Variants in MEGF11 observed in about 807,000 individuals in gnomAD.
The protein encoded by MEGF11 is multiple epidermal growth factor-like domains protein 11.
In MEGF11, 126 loss-of-function variants were observed where a neutral mutation model predicts 146.6. The observed-to-expected ratio is 0.86, with a 90% confidence interval of 0.74 to 1.00. The LOEUF is 1.00. Ranked by LOEUF, MEGF11 falls within the 50% of genes least tolerant of loss-of-function variation. The pLI, the probability that MEGF11 is intolerant of heterozygous loss-of-function variation, is 0.00. For missense variants in MEGF11, 1,509 were observed against 1,521.2 expected, an observed-to-expected ratio of 0.99 and a Z score of 0.13; for synonymous variants, 532 against 583.4, an observed-to-expected ratio of 0.91 and a Z score of 1.27.
rs536867581 is a variant in MEGF11 at position 65,922,936 on chromosome 15, C to T, written c.1709G>A (p.Arg570His). 93 of 1,612,984 alleles carry T rather than the reference C, an allele frequency of 5.8e-5. No individual in the cohort carries two copies. In the East Asian group the frequency reaches 1.1e-3, roughly 19 times the overall value. Reference protein sequence around the residue: ...IRCDSTCPPGRWGPNCSVSCS... With the variant: ...IRCDSTCPPGHWGPNCSVSCS... ...GGAGACAGAGCAGTTGGGGCCCCAG[C>T]GGCCAGGTGGACACGTGCTGTCACA... The change falls in exon 14 of 26, where the codon CGC becomes CAC. Residue 570 changes from arginine (R) to histidine (H), a missense_variant. Physicochemically the swap from Arg to His is conservative, Grantham distance 29 (BLOSUM62 0). Coordinates refer to ENST00000395614, the MANE Select transcript of MEGF11 (RefSeq NM_001385028.1).
At position 65,916,974 on chromosome 15, in the gene MEGF11, T is replaced by A; in HGVS notation, c.2087-18A>T. The A allele has an allele frequency of 6.7e-7, 1 of 1,487,578 alleles. No homozygotes were observed. The highest frequency in any genetic ancestry group is 9.0e-7 in the Non-Finnish European group (1 of 1,112,634). The allele number at this position is 1,487,578 out of a possible 1,614,324, so 92.1% of individuals were successfully genotyped here. Reference sequence around the variant, plus strand: ...TGGGCAAGCTGGGATGTCGGTGAAATGCAGAGGGTGAGGGGAAGGCAGAGA... The same window carrying A: ...TGGGCAAGCTGGGATGTCGGTGAAAAGCAGAGGGTGAGGGGAAGGCAGAGA... On this transcript the variant is annotated intron_variant, in intron 16 of 25. Transcript: ENST00000395614.
At chr15:66,138,048 G>T (rs1488369769) in intron 1 of MEGF11, among the ~76,000 whole-genome samples, 1 of 152,026 alleles carries the variant, frequency 6.6e-6, no homozygotes, top group African/African-American at 2.4e-5. Context: ...GCGTGAGATG[G>T]CAAGATCCCA....
intron 1 of MEGF11, among the ~76,000 whole-genome samples, chr15:66,138,061 T>C (rs551223610): frequency 3.9e-4 from 60 of 152,198 alleles, no homozygotes; most frequent in African/African-American, 1.3e-3. Flanking sequence ...AGATCCCATC[T>C]TAAAAAATTT....
intron 1 of MEGF11, among the ~76,000 whole-genome samples, chr15:66,233,052 A>T (rs2092001779): frequency 6.6e-6 from 1 of 152,128 alleles, no homozygotes. Context: ...GACCCTAGAG[A>T]GATAACACCG....
intron 1 of MEGF11, among the ~76,000 whole-genome samples, chr15:66,204,487 A>C (rs2091250431): frequency 6.6e-6 from 1 of 152,226 alleles, no homozygotes. Flanking sequence ...ACCAGTAGCA[A>C]ACCTAGATTT....
chr15:66,160,806 G>T (rs1378992402), intron 1 of MEGF11, among the ~76,000 whole-genome samples: 3 of 152,094 alleles, frequency 2.0e-5, no homozygotes, highest in Non-Finnish European at 2.9e-5. Flanking sequence ...CTGTTATGTG[G>T]TGATAAGTGC....
chr15:66,186,031 G>C (rs1187032559), intron 1 of MEGF11, among the ~76,000 whole-genome samples: 1 of 152,136 alleles, frequency 6.6e-6, no homozygotes, highest in Non-Finnish European at 1.5e-5. Context: ...GGGGAGAGGT[G>C]GGGGCAGCCC....
At chr15:65,998,248 C>G (rs1360904571) in intron 5 of MEGF11, among the ~76,000 whole-genome samples, 1 of 152,182 alleles carries the variant, frequency 6.6e-6, no homozygotes, top group Non-Finnish European at 1.5e-5. Context: ...ATCATCATCC[C>G]TGGTAGGCCA....
chr15:66,096,636 C>T (rs2140706767), intron 4 of MEGF11, among the ~76,000 whole-genome samples: 1 of 152,302 alleles, frequency 6.6e-6, no homozygotes, highest in Non-Finnish European at 1.5e-5. Context: ...ACAAGAAGGT[C>T]AGTGGTGACC....
At chr15:66,251,750 T>C (rs1200842896) in intron 1 of MEGF11, among the ~76,000 whole-genome samples, 2 of 152,238 alleles carry the variant, frequency 1.3e-5, no homozygotes, top group African/African-American at 4.8e-5. Flanking sequence ...CTTCCTCCCG[T>C]ATAGCAGCTC....
At chr15:66,013,387 C>T (rs2071810739) in intron 5 of MEGF11, among the ~76,000 whole-genome samples, 1 of 152,086 alleles carries the variant, frequency 6.6e-6, no homozygotes, top group Non-Finnish European at 1.5e-5. Flanking sequence ...GTCTCCAGGC[C>T]CCACAACTGC....
In MEGF11 at chr15:66,011,005, G is replaced by A. The variant is rs1281875985; in HGVS notation, c.395-28517C>T. On this transcript the variant is annotated intron_variant, in intron 5 of 25. Coordinates refer to ENST00000395614, the MANE Select transcript of MEGF11 (RefSeq NM_001385028.1). Reference sequence around the variant, plus strand: ...GGGGACAATGGAGACTCTCTATGTGGCAGCCACACTCATTGGTACAATACA... The same window carrying A: ...GGGGACAATGGAGACTCTCTATGTGACAGCCACACTCATTGGTACAATACA... Among the ~76,000 whole-genome samples the A allele has an allele frequency of 2.6e-5, 4 of 152,200 alleles. No individual in the cohort carries two copies. In the East Asian group the frequency reaches 7.7e-4, roughly 29 times the overall value.
chr15:65,988,953 G>A (rs906036867), intron 5 of MEGF11, among the ~76,000 whole-genome samples: 2 of 152,130 alleles, frequency 1.3e-5, no homozygotes, highest in Non-Finnish European at 2.9e-5. Context: ...CCTCCCAGCT[G>A]CTTGTAGGAT....
chr15:66,005,268 C>A lies in MEGF11; in HGVS notation c.395-22780G>T, dbSNP rs538335674. Among the ~76,000 whole-genome samples, 5 of 152,288 alleles carry A rather than the reference C, an allele frequency of 3.3e-5. No individual in the cohort carries two copies. In the East Asian group the frequency reaches 9.7e-4, roughly 29 times the overall value. ...CAGCCTTAAACTGAAAAATACAGAA[C>A]TGGGAGCCAGAAGCTCAGAATTGAG... On this transcript the variant is annotated intron_variant, in intron 5 of 25. Coordinates refer to ENST00000395614, the MANE Select transcript of MEGF11 (RefSeq NM_001385028.1).
intron 1 of MEGF11, among the ~76,000 whole-genome samples, chr15:66,138,400 A>G (rs1279428729): frequency 1.3e-5 from 2 of 152,222 alleles, no homozygotes; most frequent in African/African-American, 4.8e-5. Flanking sequence ...AAAGACCCAA[A>G]ATGATCTCAC....
Position 66,034,629 on chromosome 15 carries a change from A to G in MEGF11, c.395-52141T>C, listed in dbSNP as rs537788641. On this transcript the variant is annotated intron_variant, in intron 5 of 25. Transcript: ENST00000395614. ...GAGATGGGGTCTTACCATGTTGCCC[A>G]GGATGGTCTCGAACTCCTGAACTCA... Among the ~76,000 whole-genome samples, 13 of 152,284 alleles carry G rather than the reference A, an allele frequency of 8.5e-5. No homozygotes were observed. In the South Asian group the frequency reaches 2.7e-3, roughly 32 times the overall value.
chr15:66,142,155 C>T (rs118185051), intron 1 of MEGF11, among the ~76,000 whole-genome samples: 3,423 of 152,240 alleles, frequency 0.022, 74 homozygotes, highest in South Asian at 0.074. Flanking sequence ...ATAAGCAATG[C>T]CCCATCCTAT....
chr15:65,975,979 G>C (rs569878518), intron 7 of MEGF11, among the ~76,000 whole-genome samples: 24 of 152,058 alleles, frequency 1.6e-4, no homozygotes, highest in African/African-American at 5.1e-4. Flanking sequence ...GCTTAGGAGA[G>C]GGCTATGGCC....
chr15:65,964,475 G>A (rs1489930362), intron 9 of MEGF11, among the ~76,000 whole-genome samples: 1 of 151,968 alleles, frequency 6.6e-6, no homozygotes, highest in African/African-American at 2.4e-5. Flanking sequence ...CTTCTGCCCT[G>A]GTGCCCGTGT....
Sources: gnomAD v4.1 joint callset for allele counts (sites outside exome capture counted in the v4.1 genomes callset) on GRCh38, gnomAD v4.1.1 for gene constraint, MANE v1.5 for transcripts, NCBI Gene and HGNC (gene_info 2026-07-23, HGNC 2026-07-21) for gene names.